Variants in PGBD5 observed in about 807,000 individuals in gnomAD.
PGBD5 encodes piggyBac transposable element-derived protein 5.
A neutral mutation model predicts 47.9 loss-of-function variants in PGBD5; 14 were observed. The observed-to-expected ratio is 0.29, with a 90% confidence interval of 0.19 to 0.46. The LOEUF is 0.46. PGBD5 is among the 20% of genes least tolerant of loss of function. The pLI, the probability that PGBD5 is intolerant of heterozygous loss-of-function variation, is 1.00. For missense variants in PGBD5, 635 were observed against 716.0 expected, an observed-to-expected ratio of 0.89 and a Z score of 1.29; for synonymous variants, 316 against 306.3, an observed-to-expected ratio of 1.03 and a Z score of -0.33.
chr1:230,326,979 G>A (rs867211842), intron 5 of PGBD5, among the ~76,000 whole-genome samples: 1 of 152,168 alleles, frequency 6.6e-6, no homozygotes, highest in South Asian at 2.1e-4. Flanking sequence ...CAGGGCCTGA[G>A]AAGCACACGG....
At chr1:230,333,382 C>G (rs10495295) in intron 4 of PGBD5, among the ~76,000 whole-genome samples, 4,907 of 152,278 alleles carry the variant, frequency 0.032, 105 homozygotes, top group East Asian at 0.087. Context: ...GCACTACGCA[C>G]GTGTACTCAT....
intron 1 of PGBD5, among the ~76,000 whole-genome samples, chr1:230,371,490 G>A (rs1386281459): frequency 6.6e-6 from 1 of 152,190 alleles, no homozygotes; most frequent in Non-Finnish European, 1.5e-5. Flanking sequence ...AAAGGTTACT[G>A]CCACTTGGCT....
At chr1:230,377,402 G>A in intron 1 of PGBD5, 1 of 1,330,828 alleles carries the variant, frequency 7.5e-7, no homozygotes, top group Non-Finnish European at 1.1e-6. Context: ...CTTCATAAAG[G>A]CAGAAGCTGT....
chr1:230,398,853 C>T (rs1657066518), intron 1 of PGBD5, among the ~76,000 whole-genome samples: 1 of 152,164 alleles, frequency 6.6e-6, no homozygotes, highest in African/African-American at 2.4e-5. Context: ...AGATTCAAAA[C>T]ATAGCCATGG....
At chr1:230,383,434 G>T (rs1191941536) in intron 1 of PGBD5, among the ~76,000 whole-genome samples, 1 of 152,064 alleles carries the variant, frequency 6.6e-6, no homozygotes, top group African/African-American at 2.4e-5. Flanking sequence ...GTGCAAACAC[G>T]CATCACTGCA....
At chr1:230,392,505 G>A (rs926472765) in intron 1 of PGBD5, among the ~76,000 whole-genome samples, 1 of 152,198 alleles carries the variant, frequency 6.6e-6, no homozygotes, top group Non-Finnish European at 1.5e-5. Flanking sequence ...TAAAGCACCC[G>A]AGCTTTGTTA....
rs113684192 is a variant in PGBD5, at chr1:230,424,177, C to T, written c.331+1421G>A. ...ACAGATGCTCACGGCATAAAGTCTG[C>T]CAAACCAGGTCTGTGGACTGGTACA... On this transcript the variant is annotated intron_variant, in intron 1 of 6. Coordinates refer to ENST00000391860, the MANE Select transcript of PGBD5 (RefSeq NM_001258311.2). Among the ~76,000 whole-genome samples, 165 of 152,234 alleles carry T rather than the reference C, an allele frequency of 1.1e-3. 1 individual carries two copies. Among genetic ancestry groups the T allele is most frequent in the African/African-American group, 3.8e-3 (158 of 41,536 alleles).
intron 1 of PGBD5, chr1:230,367,824 C>A: frequency 1.8e-6 from 2 of 1,106,346 alleles, no homozygotes; most frequent in Non-Finnish European, 1.2e-6. Context: ...TCAACCACTA[C>A]AAAGAGCATT....
In PGBD5 at chr1:230,380,792, G is replaced by A. The variant is rs79637794; in HGVS notation, c.332-23471C>T. On this transcript the variant is annotated intron_variant, in intron 1 of 6. Coordinates refer to ENST00000391860, the MANE Select transcript of PGBD5 (RefSeq NM_001258311.2). ...TGTGTCTTGGGCTCAATCACAGCTTGTGCAGGGCTCTGTCCACCAAAAGGC... is the reference window on the plus strand; with the variant it reads ...TGTGTCTTGGGCTCAATCACAGCTTATGCAGGGCTCTGTCCACCAAAAGGC... Among the ~76,000 whole-genome samples the A allele has an allele frequency of 3.8e-3, 586 of 152,342 alleles. 4 individuals are homozygous for A. Among genetic ancestry groups the A allele is most frequent in the African/African-American group, 0.014 (566 of 41,580 alleles).
chr1:230,363,051 ATTCAGGACACACAACCTCTC>A (rs1270162120), intron 1 of PGBD5, among the ~76,000 whole-genome samples: 1 of 152,122 alleles, frequency 6.6e-6, no homozygotes, highest in Non-Finnish European at 1.5e-5. Flanking sequence ...TGGCCTGAGA[ATTCAGGACACACAACCTCTC>A]TGCATCTCAG....
chr1:230,362,205 T>A, intron 1 of PGBD5: 1 of 1,323,370 alleles, frequency 7.6e-7, no homozygotes, highest in Non-Finnish European at 1.0e-6. Context: ...TGGGGGAGGA[T>A]CTGATGGCTG....
At chr1:230,422,136 C>G (rs1007529754) in intron 1 of PGBD5, among the ~76,000 whole-genome samples, 1 of 151,370 alleles carries the variant, frequency 6.6e-6, no homozygotes, top group African/African-American at 2.4e-5. Context: ...ATTTTTCCCT[C>G]TCTCTCTCTC....
intron 1 of PGBD5, among the ~76,000 whole-genome samples, chr1:230,401,257 C>T (rs569674626): frequency 7.2e-4 from 110 of 152,358 alleles, no homozygotes; most frequent in African/African-American, 2.6e-3. Flanking sequence ...CTCCACCCCT[C>T]ACATGCTGTG....
chr1:230,371,133 C>T (rs1427990096), intron 1 of PGBD5, among the ~76,000 whole-genome samples: 1 of 152,194 alleles, frequency 6.6e-6, no homozygotes. Flanking sequence ...AGAGAAGCAG[C>T]TCAGACAATT....
At position 230,421,202 on chromosome 1, in the gene PGBD5, G is replaced by C. The variant is rs565765251; in HGVS notation, c.331+4396C>G. Among the ~76,000 whole-genome samples the C allele has an allele frequency of 9.2e-5, 14 of 152,192 alleles. No individual in the cohort carries two copies. In the South Asian group the frequency reaches 2.9e-3, roughly 32 times the overall value. On this transcript the variant is annotated intron_variant, in intron 1 of 6. Transcript: ENST00000391860. ...TTCTCCTCTTCTGGAAGGCAGCTAC[G>C]CCAACCACTATACCACCAACACCCT...
intron 1 of PGBD5, chr1:230,362,163 C>G (rs1667755419): frequency 8.1e-7 from 1 of 1,229,418 alleles, no homozygotes; most frequent in East Asian, 5.5e-5. Context: ...GCTCTTGCAA[C>G]TTCAGCAGGC....
At chr1:230,351,238 T>TATAGATAAGAAGGGTCAGGA in intron 2 of PGBD5, 146 bp from the exon 3 acceptor site, 1 of 870,386 alleles carries the variant, frequency 1.1e-6, no homozygotes, top group Non-Finnish European at 1.6e-6. Flanking sequence ...CTGACCCTTC[T>TATAGATAAGAAGGGTCAGGA]TATCTATAGG....
intron 4 of PGBD5, among the ~76,000 whole-genome samples, chr1:230,333,819 G>C (rs1362014041): frequency 1.3e-5 from 2 of 152,324 alleles, no homozygotes; most frequent in East Asian, 3.9e-4. Context: ...GTGGGCGGTA[G>C]AGACCAGTAT....
chr1:230,380,908 G>A (rs887558217), intron 1 of PGBD5, among the ~76,000 whole-genome samples: 2 of 152,224 alleles, frequency 1.3e-5, no homozygotes, highest in South Asian at 2.1e-4. Context: ...ACCCAGAAAC[G>A]GTAAAGGGAA....
Sources: allele counts gnomAD v4.1 joint callset (sites outside exome capture counted in the v4.1 genomes callset), GRCh38; gene constraint gnomAD v4.1.1; transcripts MANE v1.5; gene names NCBI Gene and HGNC (gene_info 2026-07-23, HGNC 2026-07-21).